Variants in CDH6 observed in about 807,000 individuals in gnomAD.
CDH6 encodes the protein cadherin-6.
In CDH6, 31 loss-of-function variants were observed where a neutral mutation model predicts 78.0. That is an observed-to-expected ratio of 0.40 (90% confidence interval 0.30 to 0.54). The LOEUF (loss-of-function observed/expected upper bound fraction) is 0.54, where lower values mean the gene tolerates loss of function less well. Among genes scored for constraint, CDH6 ranks in the 20% least tolerant of loss-of-function variants. The pLI is 0.56. For missense variants in CDH6, 724 were observed against 975.9 expected (o/e 0.74, Z 3.44); for synonymous variants, 376 against 368.8 (o/e 1.02, Z -0.23).
intron 1 of CDH6, among the ~76,000 whole-genome samples, chr5:31,222,204 A>T (rs1370789192): frequency 6.6e-6 from 1 of 152,192 alleles, no homozygotes; most frequent in East Asian, 1.9e-4. Flanking sequence ...AATATTGGAA[A>T]TATGTAACTG....
intron 7 of CDH6, among the ~76,000 whole-genome samples, chr5:31,312,436 T>A (rs1288359078): frequency 6.6e-6 from 1 of 152,238 alleles, no homozygotes; most frequent in Non-Finnish European, 1.5e-5. Context: ...TGGTGGTTCA[T>A]GACTGTTATC....
chr5:31,201,410 T>C (rs910459011), intron 1 of CDH6, among the ~76,000 whole-genome samples: 1 of 152,160 alleles, frequency 6.6e-6, no homozygotes, highest in African/African-American at 2.4e-5. Flanking sequence ...GTTGTATCCA[T>C]CTTTGAAATA....
At chr5:31,246,244 G>A (rs942868720) in intron 1 of CDH6, among the ~76,000 whole-genome samples, 14 of 152,052 alleles carry the variant, frequency 9.2e-5, no homozygotes, top group Non-Finnish European at 1.8e-4. Context: ...ACATAGCGAT[G>A]TGACAAGAGC....
At position 31,269,657 on chromosome 5, in the gene CDH6, T is replaced by C. The variant is rs112777658; in HGVS notation, c.228+1956T>C. The stretch of plus-strand genomic sequence containing the variant: ...CCATGTGCAACACATTGAAGTGGCA[T>C]ATTGACTTTCATATCACTGCAGAAG... On this transcript the variant is annotated intron_variant, in intron 2 of 11. Transcript: ENST00000265071. 3.8e-3 allele frequency among the ~76,000 whole-genome samples: 586 copies of C among 152,348 alleles called. 5 individuals carry two copies. The highest frequency in any genetic ancestry group is 0.013 in the African/African-American group (537 of 41,582).
chr5:31,239,892 G>GA (rs1741552810), intron 1 of CDH6, among the ~76,000 whole-genome samples: 1 of 152,036 alleles, frequency 6.6e-6, no homozygotes, highest in African/African-American at 2.4e-5. Context: ...TCTAGTCTAG[G>GA]AAAAAAGCAC....
chr5:31,237,495 T>C (rs970446263), intron 1 of CDH6, among the ~76,000 whole-genome samples: 20 of 152,330 alleles, frequency 1.3e-4, no homozygotes, highest in African/African-American at 4.8e-4. Context: ...GTCTCTATCT[T>C]ATGTAAGGAG....
intron 2 of CDH6, among the ~76,000 whole-genome samples, chr5:31,277,556 CA>C (rs1174030695): frequency 1.3e-5 from 2 of 152,098 alleles, no homozygotes; most frequent in Non-Finnish European, 2.9e-5. Context: ...TTTTTAAGAG[CA>C]GAATAATTAA....
chr5:31,207,845 T>G lies in CDH6; in HGVS notation c.-129+13959T>G, dbSNP rs190535281. ...AGCAAGAAGATTGGGGCCAGCCTTC[T>G]AGACTGTTCAAAGGGTTACACCCAA... On this transcript the variant is annotated intron_variant, in intron 1 of 11. Transcript: ENST00000265071. Among the ~76,000 whole-genome samples, 338 of 152,306 alleles carry G rather than the reference T, an allele frequency of 2.2e-3. 14 individuals carry two copies. Among genetic ancestry groups the G allele is most frequent in the Admixed American group, 0.022 (329 of 15,300 alleles).
At chr5:31,313,525 G>C (rs538951609) in intron 8 of CDH6, 71 bp downstream of exon 8, 6 of 1,419,200 alleles carry the variant, frequency 4.2e-6, no homozygotes, top group Non-Finnish European at 4.9e-6. Context: ...CTGGTGGAGC[G>C]TAGCTTGTCA....
intron 7 of CDH6, among the ~76,000 whole-genome samples, chr5:31,310,428 T>C (rs1004130565): frequency 6.6e-6 from 1 of 152,200 alleles, no homozygotes; most frequent in African/African-American, 2.4e-5. Context: ...TGCCTGCAGC[T>C]TTCCCAGGCT....
chr5:31,301,131 G>T (rs1737753048), intron 5 of CDH6, among the ~76,000 whole-genome samples: 1 of 152,074 alleles, frequency 6.6e-6, no homozygotes, highest in Non-Finnish European at 1.5e-5. Flanking sequence ...CAAAAAAAAT[G>T]CTCTTTTTGA....
intron 1 of CDH6, among the ~76,000 whole-genome samples, chr5:31,257,610 A>G (rs1742092643): frequency 6.6e-6 from 1 of 152,152 alleles, no homozygotes; most frequent in Non-Finnish European, 1.5e-5. Context: ...TGTTCTTGGC[A>G]CTGGGATGTA....
At chr5:31,303,217 C>A (rs1221250153) in intron 6 of CDH6, among the ~76,000 whole-genome samples, 2 of 152,092 alleles carry the variant, frequency 1.3e-5, no homozygotes, top group African/African-American at 4.8e-5. Flanking sequence ...CTGGTACATA[C>A]AACAGATGTT....
chr5:31,288,568 A>T (rs927708191), intron 2 of CDH6, among the ~76,000 whole-genome samples: 2 of 152,222 alleles, frequency 1.3e-5, no homozygotes, highest in Non-Finnish European at 2.9e-5. Context: ...ACATGTAGAC[A>T]TCTATACGTA....
intron 1 of CDH6, among the ~76,000 whole-genome samples, chr5:31,217,584 C>T (rs1231754726): frequency 6.6e-6 from 1 of 152,046 alleles, no homozygotes. Flanking sequence ...TAATAAGTAC[C>T]TGGGCCAGAC....
At chr5:31,287,031 T>C (rs1743030008) in intron 2 of CDH6, among the ~76,000 whole-genome samples, 1 of 152,206 alleles carries the variant, frequency 6.6e-6, no homozygotes, top group Middle Eastern at 3.4e-3. Context: ...CAATATTGGA[T>C]GTGCTGAGTG....
chr5:31,200,960 G>A (rs1180027252), intron 1 of CDH6, among the ~76,000 whole-genome samples: 2 of 152,150 alleles, frequency 1.3e-5, no homozygotes, highest in Non-Finnish European at 1.5e-5. Flanking sequence ...TTAACTGTGA[G>A]ATAACTGATG....
chr5:31,317,877 G>A lies in CDH6; in HGVS notation c.1835G>A (p.Ser612Asn). ...GCGCTCATCCACCCCACGGGACTGA[G>A]CACGGGGGCTCTGGTTGCCATCCTT... is the stretch of plus-strand genomic sequence containing the variant. ...AEALIHPTGL[S>N]TGALVAILLC... The change falls in exon 11 of 12, where the codon AGC (serine) becomes AAC (asparagine). Residue 612 changes from serine (S) to asparagine (N), a missense_variant. Around this residue, in one of 3 missense-constraint regions of CDH6, gnomAD observed 220 missense variants for 240.6 expected, o/e 0.91. Coordinates refer to ENST00000265071, the MANE Select transcript of CDH6 (RefSeq NM_004932.4). 1 of 1,614,018 alleles carries A rather than the reference G, an allele frequency of 6.2e-7. No homozygotes were observed. Among genetic ancestry groups the A allele is most frequent in the Non-Finnish European group, 8.5e-7 (1 of 1,179,998 alleles).
At chr5:31,233,500 G>A (rs1741371645) in intron 1 of CDH6, among the ~76,000 whole-genome samples, 1 of 125,724 alleles carries the variant, frequency 8.0e-6, no homozygotes, top group African/African-American at 3.1e-5. Context: ...GCATGACAGA[G>A]TGGGACTCTG....
Sources: allele counts gnomAD v4.1 joint callset (sites outside exome capture counted in the v4.1 genomes callset), GRCh38; gene constraint gnomAD v4.1.1; regional missense constraint gnomAD v4.1.1; transcripts MANE v1.5; gene names NCBI Gene and HGNC (gene_info 2026-07-23, HGNC 2026-07-21).